Variants in PDK1 observed in about 807,000 individuals in gnomAD.
PDK1 encodes [Pyruvate dehydrogenase (acetyl-transferring)] kinase isozyme 1, mitochondrial.
A neutral mutation model predicts 54.2 loss-of-function variants in PDK1; 39 were observed. The ratio of observed to expected loss-of-function variants is 0.72; its 90% CI spans 0.56 to 0.94. The LOEUF is 0.94. Among genes scored for constraint, PDK1 ranks in the 40% least tolerant of loss-of-function variants. The pLI is 0.00. For synonymous variants in PDK1, 221 were observed against 207.1 expected, an observed-to-expected ratio of 1.07 and a Z score of -0.58; for missense variants, 552 against 566.0, an observed-to-expected ratio of 0.98 and a Z score of 0.25.
chr2:172,701,641 TTG>T, the PDK1 span, among the ~76,000 whole-genome samples: 7,492 of 91,290 alleles, frequency 0.082, 293 homozygotes, highest in East Asian at 0.18. Flanking sequence ...GTTTTTTTTT[TTG>T]TTTTGTTTTT....
the PDK1 span, among the ~76,000 whole-genome samples, chr2:172,649,348 C>T: frequency 3.9e-5 from 6 of 152,092 alleles, no homozygotes; most frequent in African/African-American, 1.4e-4. Flanking sequence ...CATCAAAGAC[C>T]AAAGGTAGAT....
At chr2:172,621,575 A>G in the PDK1 span, among the ~76,000 whole-genome samples, 1 of 146,840 alleles carries the variant, frequency 6.8e-6, no homozygotes, top group Non-Finnish European at 1.5e-5. Context: ...TTTATATTAT[A>G]TATGATATAT....
At chr2:172,630,743 C>T in the PDK1 span, among the ~76,000 whole-genome samples, 1 of 151,978 alleles carries the variant, frequency 6.6e-6, no homozygotes, top group Non-Finnish European at 1.5e-5. Flanking sequence ...AATTCTTGTG[C>T]CTCAGCCTCA....
At chr2:172,645,260 CTT>C in the PDK1 span, among the ~76,000 whole-genome samples, 549 of 50,936 alleles carry the variant, frequency 0.011, 3 homozygotes, top group African/African-American at 0.035. Context: ...ACAAAATAGG[CTT>C]TTTTTTTTTT....
the PDK1 span, among the ~76,000 whole-genome samples, chr2:172,702,761 G>T: frequency 6.6e-6 from 1 of 152,026 alleles, no homozygotes; most frequent in Non-Finnish European, 1.5e-5. Context: ...ATTGTATTCA[G>T]CTTTACTAGC....
the PDK1 span, among the ~76,000 whole-genome samples, chr2:172,716,911 TTCTC>T: frequency 2.0e-5 from 3 of 152,370 alleles, no homozygotes; most frequent in South Asian, 6.2e-4. Context: ...TGTTTTCTGT[TTCTC>T]TCAGTTCTGT....
chr2:172,671,293 A>G, the PDK1 span, among the ~76,000 whole-genome samples: 3 of 151,384 alleles, frequency 2.0e-5, no homozygotes, highest in East Asian at 1.9e-4. Context: ...AGATTTTGTC[A>G]CCTTTATATA....
chr2:172,583,015 C>T (rs1182118097), intron 8 of PDK1, among the ~76,000 whole-genome samples: 1 of 152,138 alleles, frequency 6.6e-6, no homozygotes, highest in Non-Finnish European at 1.5e-5. Context: ...TTAAGGAAAA[C>T]CAGGAAATAT....
At chr2:172,630,999 C>G in the PDK1 span, among the ~76,000 whole-genome samples, 1 of 152,208 alleles carries the variant, frequency 6.6e-6, no homozygotes, top group African/African-American at 2.4e-5. Context: ...TCTACATATT[C>G]TATGTTCACT....
At chr2:172,692,023 A>G in the PDK1 span, among the ~76,000 whole-genome samples, 2 of 152,204 alleles carry the variant, frequency 1.3e-5, no homozygotes, top group African/African-American at 4.8e-5. Flanking sequence ...CCCTTTGGCC[A>G]AGAATCCTAC....
the PDK1 span, among the ~76,000 whole-genome samples, chr2:172,698,655 G>T: frequency 6.6e-6 from 1 of 152,240 alleles, no homozygotes. Flanking sequence ...GCTGTGGGAA[G>T]CCTCAGCATT....
At chr2:172,635,325 C>T in the PDK1 span, among the ~76,000 whole-genome samples, 1 of 152,030 alleles carries the variant, frequency 6.6e-6, no homozygotes, top group East Asian at 1.9e-4. Flanking sequence ...TTTTGCGGGG[C>T]GGAGGGATGA....
At chr2:172,688,876 G>A in the PDK1 span, among the ~76,000 whole-genome samples, 2 of 152,200 alleles carry the variant, frequency 1.3e-5, no homozygotes, top group African/African-American at 2.4e-5. Flanking sequence ...GGTGTGTCCA[G>A]AGTTGGTTCC....
the PDK1 span, among the ~76,000 whole-genome samples, chr2:172,670,447 G>A: frequency 6.6e-6 from 1 of 152,040 alleles, no homozygotes; most frequent in Non-Finnish European, 1.5e-5. Flanking sequence ...GTTTACACAT[G>A]GAAATTTAGT....
the PDK1 span, among the ~76,000 whole-genome samples, chr2:172,631,645 T>C: frequency 6.6e-6 from 1 of 152,168 alleles, no homozygotes. Context: ...TCTTTTCCCT[T>C]TCCTTCTTTT....
chr2:172,720,270 A>C, the PDK1 span, among the ~76,000 whole-genome samples: 2 of 152,018 alleles, frequency 1.3e-5, no homozygotes, highest in African/African-American at 4.8e-5. Flanking sequence ...ATGCGCCACC[A>C]AACTGGGCTA....
In PDK1 at chr2:172,602,529, A is replaced by C. The variant is rs952656875; in HGVS notation, c.*6560A>C. On this transcript the variant is annotated 3_prime_UTR_variant, in exon 11 of 11. Coordinates refer to ENST00000282077, the MANE Select transcript of PDK1 (RefSeq NM_002610.5). ...GACAGACATACTGGAATTGTCTATG[A>C]GGTTGGATCCATGGGCCTGCCATGG... The C allele has an allele frequency of 2.6e-5, 4 of 152,254 alleles. No individual in the cohort carries two copies. The Middle Eastern group carries it at 0.01, about 388-fold the overall frequency. 9.4% of individuals were successfully genotyped at this position (152,254 alleles called of 1,614,324 possible).
the PDK1 span, among the ~76,000 whole-genome samples, chr2:172,688,475 A>G: frequency 6.6e-6 from 1 of 152,078 alleles, no homozygotes. Flanking sequence ...TGGTGTGTGA[A>G]CCAGTCCCAA....
the PDK1 span, among the ~76,000 whole-genome samples, chr2:172,672,412 A>G: frequency 6.6e-6 from 1 of 152,152 alleles, no homozygotes; most frequent in Non-Finnish European, 1.5e-5. Flanking sequence ...TTCTCTTCAC[A>G]GTCTAAATGT....
Sources: gnomAD v4.1 joint callset for allele counts (sites outside exome capture counted in the v4.1 genomes callset) on GRCh38, gnomAD v4.1.1 for gene constraint, MANE v1.5 for transcripts, NCBI Gene and HGNC (gene_info 2026-07-23, HGNC 2026-07-21) for gene names.